Variants in LRRC7 observed in about 807,000 individuals in gnomAD.
LRRC7 encodes the protein leucine rich repeat containing 7.
Under a neutral mutation model 175.7 loss-of-function variants are expected in LRRC7, and 23 were observed. That is an observed-to-expected ratio of 0.13 (90% CI 0.09 to 0.19). The LOEUF is 0.19. Among genes scored for constraint, LRRC7 ranks in the 10% least tolerant of loss-of-function variants. LRRC7 has a pLI of 1.00. For synonymous variants in LRRC7, 685 were observed against 680.9 expected (o/e 1.01, Z -0.09); for missense variants, 1,354 against 1,904.7 (o/e 0.71, Z 5.38).
intron 1 of LRRC7, among the ~76,000 whole-genome samples, chr1:69,601,854 G>T (rs1647087794): frequency 6.6e-6 from 1 of 151,992 alleles, no homozygotes; most frequent in South Asian, 2.1e-4. Context: ...TTAGTCTAAG[G>T]TATTATTTTT....
intron 2 of LRRC7, among the ~76,000 whole-genome samples, chr1:69,683,071 C>A (rs1250939641): frequency 2.0e-5 from 3 of 152,156 alleles, no homozygotes; most frequent in East Asian, 3.8e-4. Flanking sequence ...AACAATGCAA[C>A]AAACGCAACA....
chr1:69,718,961 A>T (rs966783354), intron 2 of LRRC7, among the ~76,000 whole-genome samples: 1 of 151,798 alleles, frequency 6.6e-6, no homozygotes, highest in Non-Finnish European at 1.5e-5. Flanking sequence ...TTTATTCTTC[A>T]TCTCTTTCCT....
At chr1:69,594,391 A>T (rs1646758509) in intron 1 of LRRC7, among the ~76,000 whole-genome samples, 2 of 152,146 alleles carry the variant, frequency 1.3e-5, no homozygotes, top group African/African-American at 4.8e-5. Flanking sequence ...TACTGGGACC[A>T]GTTTTATTTG....
chr1:69,964,979 G>A (rs146530240), intron 8 of LRRC7, among the ~76,000 whole-genome samples: 334 of 152,302 alleles, frequency 2.2e-3, no homozygotes, highest in Non-Finnish European at 3.9e-3. Context: ...TGGAGTAATA[G>A]CTGCATATAA....
At chr1:70,054,689 T>G (rs943046180) in intron 23 of LRRC7, among the ~76,000 whole-genome samples, 2 of 131,350 alleles carry the variant, frequency 1.5e-5, no homozygotes, top group African/African-American at 5.6e-5. Flanking sequence ...AATCTCCACC[T>G]CCCAGGTTCA....
intron 2 of LRRC7, among the ~76,000 whole-genome samples, chr1:69,741,167 A>T (rs150056098): frequency 3.3e-3 from 506 of 152,134 alleles, no homozygotes; most frequent in African/African-American, 0.012. Context: ...AGGAGCATTT[A>T]GCAGGGGCTC....
chr1:69,715,730 T>A (rs1665269535), intron 2 of LRRC7, among the ~76,000 whole-genome samples: 1 of 152,102 alleles, frequency 6.6e-6, no homozygotes, highest in East Asian at 1.9e-4. Context: ...AGAAGGCAAC[T>A]CTAACCTGTA....
chr1:69,815,846 A>G (rs1678522001), intron 4 of LRRC7, among the ~76,000 whole-genome samples: 1 of 152,162 alleles, frequency 6.6e-6, no homozygotes, highest in Non-Finnish European at 1.5e-5. Flanking sequence ...CTCAATTGGC[A>G]TATGGCCCAT....
intron 25 of LRRC7, among the ~76,000 whole-genome samples, chr1:70,105,688 TAAGTA>T (rs1665096666): frequency 6.6e-6 from 1 of 152,268 alleles, no homozygotes; most frequent in South Asian, 2.1e-4. Context: ...ATTAGACTGT[TAAGTA>T]TAGTTTGTAA....
At chr1:69,967,542 A>G (rs1651784216) in intron 8 of LRRC7, among the ~76,000 whole-genome samples, 1 of 152,144 alleles carries the variant, frequency 6.6e-6, no homozygotes, top group Non-Finnish European at 1.5e-5. Context: ...GGAACCTCAC[A>G]GAGTCCATTT....
At chr1:69,886,430 G>T (rs1687205778) in intron 7 of LRRC7, among the ~76,000 whole-genome samples, 1 of 151,584 alleles carries the variant, frequency 6.6e-6, no homozygotes, top group South Asian at 2.1e-4. Context: ...TCAGAGACTA[G>T]GATTGCAAGC....
intron 26 of LRRC7, among the ~76,000 whole-genome samples, chr1:70,116,126 A>G (rs1044383574): frequency 1.3e-5 from 2 of 152,264 alleles, no homozygotes; most frequent in Non-Finnish European, 2.9e-5. Context: ...ATTTATTATC[A>G]GTTCCACACC....
At chr1:69,578,276 A>C (rs1341426596) in intron 1 of LRRC7, among the ~76,000 whole-genome samples, 2 of 150,616 alleles carry the variant, frequency 1.3e-5, no homozygotes, top group African/African-American at 2.5e-5. Context: ...GGCAATCATT[A>C]AAAAGTCAGG....
chr1:69,802,146 A>G (rs750778019), intron 4 of LRRC7, among the ~76,000 whole-genome samples: 2 of 151,406 alleles, frequency 1.3e-5, no homozygotes, highest in African/African-American at 2.4e-5. Flanking sequence ...CATATGGTCT[A>G]TCTATATTGG....
chr1:70,018,162 A>T (rs10493461), intron 14 of LRRC7, among the ~76,000 whole-genome samples: 2 of 152,094 alleles, frequency 1.3e-5, no homozygotes, highest in Non-Finnish European at 2.9e-5. Context: ...TTCTGAAATC[A>T]AACTAATAAC....
intron 7 of LRRC7, among the ~76,000 whole-genome samples, chr1:69,916,572 A>G (rs994332189): frequency 2.6e-5 from 4 of 151,814 alleles, no homozygotes; most frequent in Admixed American, 2.0e-4. Context: ...TTTTTCATTG[A>G]CCATTGTTAA....
chr1:69,847,131 G>A (rs552021699), intron 7 of LRRC7, among the ~76,000 whole-genome samples: 36 of 152,150 alleles, frequency 2.4e-4, no homozygotes, highest in African/African-American at 4.6e-4. Context: ...ACTAAAACAC[G>A]TGATAGAAAT....
intron 7 of LRRC7, among the ~76,000 whole-genome samples, chr1:69,925,093 G>A (rs189429575): frequency 4.4e-4 from 67 of 152,248 alleles, no homozygotes; most frequent in Middle Eastern, 3.4e-3. Flanking sequence ...TTTATATGCT[G>A]GATTACATTT....
intron 2 of LRRC7, among the ~76,000 whole-genome samples, chr1:69,710,278 CAAA>C (rs77553066): frequency 1.7e-4 from 15 of 87,200 alleles, no homozygotes; most frequent in Admixed American, 1.1e-3. Context: ...GACTCCGTCT[CAAA>C]AAAAAAAAAA....
Sources: gnomAD v4.1 joint callset for allele counts (sites outside exome capture counted in the v4.1 genomes callset) on GRCh38, gnomAD v4.1.1 for gene constraint, MANE v1.5 for transcripts, NCBI Gene and HGNC (gene_info 2026-07-23, HGNC 2026-07-21) for gene names.